The following KCNMA1 variants were observed in gnomAD, a reference collection of about 807,000 sequenced individuals.
KCNMA1 encodes potassium calcium-activated channel subfamily M alpha 1.
Under a neutral mutation model 140.0 loss-of-function variants are expected in KCNMA1, and 29 were observed. The ratio of observed to expected loss-of-function variants is 0.21; its 90% CI spans 0.15 to 0.28. KCNMA1 has a LOEUF of 0.28. Among genes scored for constraint, KCNMA1 ranks in the 10% least tolerant of loss-of-function variants. KCNMA1 has a pLI of 1.00. For missense variants in KCNMA1, 880 were observed against 1,602.2 expected, an observed-to-expected ratio of 0.55 and a Z score of 7.70; for synonymous variants, 612 against 611.9, an observed-to-expected ratio of 1.00 and a Z score of 0.00.
intron 2 of KCNMA1, among the ~76,000 whole-genome samples, chr10:77,357,002 T>G (rs548282359): frequency 6.6e-6 from 1 of 152,238 alleles, no homozygotes; most frequent in African/African-American, 2.4e-5. Flanking sequence ...CAATATGATA[T>G]GCATTTGATT....
At chr10:77,203,615 C>T (rs772380027) in intron 3 of KCNMA1, among the ~76,000 whole-genome samples, 6 of 152,000 alleles carry the variant, frequency 3.9e-5, no homozygotes, top group Admixed American at 6.6e-5. Context: ...GTCTGGGTTC[C>T]CATCATCATG....
chr10:76,935,183 G>C (rs1464069803), intron 23 of KCNMA1, among the ~76,000 whole-genome samples: 1 of 152,104 alleles, frequency 6.6e-6, no homozygotes, highest in Non-Finnish European at 1.5e-5. Flanking sequence ...TAGGGTCAAG[G>C]GGCTCAAAAA....
chr10:77,146,448 C>G (rs1284632448), intron 5 of KCNMA1, among the ~76,000 whole-genome samples: 1 of 151,964 alleles, frequency 6.6e-6, no homozygotes, highest in Non-Finnish European at 1.5e-5. Flanking sequence ...TGCCTGTAAT[C>G]CCAGCACTTT....
intron 14 of KCNMA1, among the ~76,000 whole-genome samples, chr10:77,063,153 C>G (rs2095817808): frequency 6.6e-6 from 1 of 152,198 alleles, no homozygotes; most frequent in South Asian, 2.1e-4. Context: ...GTGGCTCATG[C>G]TGTAATCCCA....
intron 1 of KCNMA1, among the ~76,000 whole-genome samples, chr10:77,472,530 T>C (rs1486515978): frequency 2.6e-5 from 4 of 152,084 alleles, no homozygotes; most frequent in Non-Finnish European, 5.9e-5. Context: ...ATACTGTTTA[T>C]TTCCTTGCTT....
chr10:77,038,293 T>C (rs2094459216), intron 15 of KCNMA1, among the ~76,000 whole-genome samples: 1 of 152,094 alleles, frequency 6.6e-6, no homozygotes, highest in African/African-American at 2.4e-5. Flanking sequence ...TAAAGCCTGA[T>C]CAGTTTTGTT....
At chr10:77,006,646 C>T (rs2088796059) in intron 18 of KCNMA1, among the ~76,000 whole-genome samples, 1 of 152,210 alleles carries the variant, frequency 6.6e-6, no homozygotes, top group Non-Finnish European at 1.5e-5. Flanking sequence ...TAGTTAATGT[C>T]AGCAGCACAG....
chr10:77,161,415 T>TC (rs1321334975), intron 5 of KCNMA1, among the ~76,000 whole-genome samples: 2 of 144,956 alleles, frequency 1.4e-5, no homozygotes, highest in Non-Finnish European at 3.0e-5. Context: ...GCCCAACTAC[T>TC]TTTTTTTTTT....
intron 2 of KCNMA1, among the ~76,000 whole-genome samples, chr10:77,296,120 T>C (rs895166450): frequency 1.3e-5 from 2 of 152,098 alleles, no homozygotes; most frequent in African/African-American, 2.4e-5. Context: ...TTTGCTGGTG[T>C]GATTAAGTTA....
intron 2 of KCNMA1, among the ~76,000 whole-genome samples, chr10:77,324,984 T>A (rs940055042): frequency 5.4e-5 from 8 of 149,286 alleles, no homozygotes; most frequent in Non-Finnish European, 1.0e-4. Context: ...TGTGTGTGTG[T>A]GTGTGTGTGT....
chr10:76,886,699 A>G lies in KCNMA1; in HGVS notation c.*567T>C, dbSNP rs200191468. On this transcript the variant is annotated 3_prime_UTR_variant, in exon 28 of 28. Coordinates refer to ENST00000286628, the MANE Select transcript of KCNMA1 (RefSeq NM_001161352.2). ...CAGGTCCTTCATAATCATCTACACA[A>G]ATCGTGAAAGCTTTTCAAATGCTTC... 19 of 1,003,480 alleles carry G rather than the reference A, an allele frequency of 1.9e-5. No individual in the cohort carries two copies. The highest frequency in any genetic ancestry group is 2.3e-5 in the Non-Finnish European group (19 of 840,196). 62.2% of individuals were successfully genotyped at this position (1,003,480 alleles called of 1,614,324 possible). A position where few individuals can be genotyped will look rare whatever the true frequency, so the allele number is the denominator to read the frequency against.
chr10:76,900,820 G>A (rs1200794084), intron 25 of KCNMA1, among the ~76,000 whole-genome samples: 1 of 151,798 alleles, frequency 6.6e-6, no homozygotes, highest in African/African-American at 2.4e-5. Flanking sequence ...TATGACGAGA[G>A]TGTGGATTGG....
intron 2 of KCNMA1, among the ~76,000 whole-genome samples, chr10:77,341,503 A>C (rs551501241): frequency 1.3e-5 from 2 of 152,184 alleles, no homozygotes; most frequent in East Asian, 1.9e-4. Flanking sequence ...GTGGAGAAAC[A>C]CAGCAATTTG....
intron 1 of KCNMA1, among the ~76,000 whole-genome samples, chr10:77,431,312 G>A (rs1489884347): frequency 6.6e-6 from 1 of 152,240 alleles, no homozygotes; most frequent in Non-Finnish European, 1.5e-5. Flanking sequence ...AATATTGACA[G>A]AGAAACTGGA....
At chr10:77,637,101 G>A in intron 1 of KCNMA1, 164 bp downstream of exon 1, 1 of 1,292,108 alleles carries the variant, frequency 7.7e-7, no homozygotes. Flanking sequence ...CCGCTGCCCC[G>A]ATCCGAGAGC....
intron 3 of KCNMA1, among the ~76,000 whole-genome samples, chr10:77,209,774 C>T (rs1366833036): frequency 1.3e-5 from 2 of 152,000 alleles, no homozygotes; most frequent in African/African-American, 4.8e-5. Context: ...ATTATGAATA[C>T]CTCTATGCAC....
At chr10:76,906,263 A>C (rs754668203) in intron 25 of KCNMA1, among the ~76,000 whole-genome samples, 2 of 152,200 alleles carry the variant, frequency 1.3e-5, no homozygotes, top group Non-Finnish European at 2.9e-5. Context: ...TCATCCCTAA[A>C]AACAGAGAGG....
In KCNMA1 at chr10:77,040,283, T is replaced by C. The variant is rs143796499; in HGVS notation, c.1750-646A>G. Reference sequence around the variant, plus strand: ...TTTTGAAGAGCAATTTTGCAATTATTATCAAAATTTGTAAAAGTACACAGT... The same window carrying C: ...TTTTGAAGAGCAATTTTGCAATTATCATCAAAATTTGTAAAAGTACACAGT... On this transcript the variant is annotated intron_variant, in intron 14 of 27. Transcript: ENST00000286628. Among the ~76,000 whole-genome samples, 647 of 152,214 alleles carry C rather than the reference T, an allele frequency of 4.3e-3. 7 individuals are homozygous for C. Among genetic ancestry groups the C allele is most frequent in the African/African-American group, 0.015 (604 of 41,530 alleles).
intron 1 of KCNMA1, among the ~76,000 whole-genome samples, chr10:77,459,785 T>TGA (rs1317945119): frequency 6.6e-6 from 1 of 152,232 alleles, no homozygotes; most frequent in Non-Finnish European, 1.5e-5. Context: ...GCCCACTGCC[T>TGA]GAGGTCATGT....
Sources: gnomAD v4.1 joint callset for allele counts (sites outside exome capture counted in the v4.1 genomes callset) on GRCh38, gnomAD v4.1.1 for gene constraint, MANE v1.5 for transcripts, NCBI Gene and HGNC (gene_info 2026-07-23, HGNC 2026-07-21) for gene names.